Variants in ANKRD36C observed in about 807,000 individuals in gnomAD.
ANKRD36C encodes the protein ankyrin repeat domain-containing protein 36C.
In ANKRD36C, 61 loss-of-function variants were observed where a neutral mutation model predicts 276.4. That is an observed-to-expected ratio of 0.22 (90% CI 0.18 to 0.27). The LOEUF (loss-of-function observed/expected upper bound fraction) is 0.27. Ranked by LOEUF, ANKRD36C falls within the 10% of genes least tolerant of loss-of-function variation. The probability of loss-of-function intolerance (pLI) is 1.00; values close to 1 mark genes in which losing one functional copy is unlikely to be tolerated. For missense variants in ANKRD36C, 1,447 were observed against 2,032.3 expected, an observed-to-expected ratio of 0.71 and a Z score of 5.54; for synonymous variants, 483 against 680.1, an observed-to-expected ratio of 0.71 and a Z score of 4.51.
rs1160108122 is a variant in ANKRD36C at position 95,963,972 on chromosome 2, AATAT to A, written c.800-1429_800-1426del. Among the ~76,000 whole-genome samples the A allele has an allele frequency of 9.1e-3, 445 of 48,884 alleles. 1 individual carries two copies. Among genetic ancestry groups the A allele is most frequent in the South Asian group, 0.022 (28 of 1,262 alleles). 32.1% of individuals were successfully genotyped at this position (48,884 alleles called of 152,430 possible). Reference sequence around the variant, plus strand: ...ATATATATATAAATATATATATATAAATATATATATATATATATATATATATATA... The same window carrying A: ...ATATATATATAAATATATATATATAAATATATATATATATATATATATATA... On this transcript the variant is annotated intron_variant, in intron 6 of 66. Transcript: ENST00000456556.
intron 59 of ANKRD36C, among the ~76,000 whole-genome samples, chr2:95,875,442 A>G (rs1675926422): frequency 6.7e-6 from 1 of 148,462 alleles, no homozygotes; most frequent in East Asian, 2.0e-4. Flanking sequence ...AAAAAACCAA[A>G]CACTGCATGT....
At chr2:95,929,343 C>A in intron 24 of ANKRD36C, 76 bp from the exon 25 acceptor site, 2 of 1,531,668 alleles carry the variant, frequency 1.3e-6, no homozygotes, top group South Asian at 2.4e-5. Context: ...GCATGGATAG[C>A]ATGTTAGCAT....
chr2:95,991,618 A>T, exon 1 of ANKRD36C: 6 of 1,614,032 alleles, frequency 3.7e-6, no homozygotes, highest in Non-Finnish European at 5.1e-6. Context: ...TTCAGATGAT[A>T]CGGTTTAATG....
chr2:95,923,514 A>T (rs1041140930), exon 32 of ANKRD36C: 3 of 1,610,894 alleles, frequency 1.9e-6, no homozygotes, highest in Non-Finnish European at 2.5e-6. Flanking sequence ...ATTGTAGTCC[A>T]TCCTTTATTT....
At position 95,893,224 on chromosome 2, in the gene ANKRD36C, A is replaced by G. The variant is rs1228028394; in HGVS notation, c.2756-1364T>C. ...CGATACTTCCTCTCTTTCTCCTTCC[A>G]CCCTTACTGAAAACAAGCTGGAGAA... On this transcript the variant is annotated intron_variant, in intron 44 of 66. Transcript: ENST00000456556. Among the ~76,000 whole-genome samples, 3 of 151,054 alleles carry G rather than the reference A, an allele frequency of 2.0e-5. No individual in the cohort carries two copies. The East Asian group carries it at 5.9e-4, about 30-fold the overall frequency.
chr2:95,944,603 G>A, intron 19 of ANKRD36C, 24 bp downstream of exon 19: 1 of 1,535,558 alleles, frequency 6.5e-7, no homozygotes, highest in Non-Finnish European at 8.7e-7. Flanking sequence ...TTCTATGTTG[G>A]CTTTTAACCA....
chr2:95,943,782 TAA>T (rs1677961698), intron 19 of ANKRD36C, among the ~76,000 whole-genome samples: 1 of 151,958 alleles, frequency 6.6e-6, no homozygotes, highest in Admixed American at 6.6e-5. Flanking sequence ...AGATAAAATA[TAA>T]GACATCACTT....
At chr2:95,853,385 GA>G (rs1194138822) in intron 64 of ANKRD36C, 4 of 200,622 alleles carry the variant, frequency 2.0e-5, no homozygotes, top group Non-Finnish European at 4.0e-5. Flanking sequence ...CGTTTAACAG[GA>G]AAAAAACTCT....
At chr2:95,949,260 A>G (rs1678134398) in intron 16 of ANKRD36C, among the ~76,000 whole-genome samples, 1 of 152,200 alleles carries the variant, frequency 6.6e-6, no homozygotes, top group Non-Finnish European at 1.5e-5. Flanking sequence ...TAAAAATTAT[A>G]AAATCCAATT....
intron 6 of ANKRD36C, among the ~76,000 whole-genome samples, chr2:95,963,353 C>T (rs1380378109): frequency 1.3e-5 from 2 of 151,932 alleles, no homozygotes; most frequent in African/African-American, 4.8e-5. Context: ...TTGAAAATAA[C>T]CATTTTATTA....
At chr2:95,875,810 G>A (rs1441723344) in intron 59 of ANKRD36C, among the ~76,000 whole-genome samples, 2 of 151,766 alleles carry the variant, frequency 1.3e-5, no homozygotes, top group East Asian at 3.9e-4. Context: ...AATGACAGTG[G>A]ATTTAATAAA....
intron 8 of ANKRD36C, among the ~76,000 whole-genome samples, chr2:95,961,394 T>C (rs1164258347): frequency 4.6e-5 from 7 of 152,050 alleles, no homozygotes; most frequent in Non-Finnish European, 5.9e-5. Flanking sequence ...AGCATACTTA[T>C]ACAAAATAAA....
At chr2:95,867,274 G>A (rs1675701932) in intron 60 of ANKRD36C, among the ~76,000 whole-genome samples, 166 bp downstream of exon 80, 1 of 152,180 alleles carries the variant, frequency 6.6e-6, no homozygotes. Flanking sequence ...GCCCTTGGCT[G>A]AGAAGGTACA....
intron 8 of ANKRD36C, among the ~76,000 whole-genome samples, chr2:95,961,621 CA>C (rs769249922): frequency 6.6e-6 from 1 of 152,014 alleles, no homozygotes; most frequent in African/African-American, 2.4e-5. Flanking sequence ...CCAATATATG[CA>C]TATTCATGAT....
intron 15 of ANKRD36C, 91 bp downstream of exon 15, chr2:95,951,257 A>T: frequency 9.0e-7 from 1 of 1,116,820 alleles, no homozygotes; most frequent in South Asian, 1.4e-5. Flanking sequence ...TGTGCTGCAG[A>T]CTAGTAAGAC....
exon 39 of ANKRD36C, chr2:95,914,284 T>A: frequency 6.5e-7 from 1 of 1,550,290 alleles, no homozygotes. Flanking sequence ...CCTTCAAGCC[T>A]GCTGGTTTCT....
chr2:95,980,594 A>C lies in ANKRD36C; in HGVS notation c.731+54T>G, dbSNP rs529434390. On this transcript the variant is annotated intron_variant, in intron 5 of 66. Transcript: ENST00000456556. ...CTGATATATAAGATGCAATTGCTAC[A>C]ATTATTTTAAACTTCAATTTAGTGT... is the stretch of plus-strand genomic sequence containing the variant. 172 of 1,571,974 alleles carry C rather than the reference A, an allele frequency of 1.1e-4. No individual in the cohort carries two copies. In the African/African-American group the frequency reaches 1.6e-3, roughly 15 times the overall value.
At chr2:95,937,619 T>C (rs1175752320) in intron 22 of ANKRD36C, among the ~76,000 whole-genome samples, 15 of 151,268 alleles carry the variant, frequency 9.9e-5, no homozygotes, top group African/African-American at 3.7e-4. Context: ...TGATCATTCC[T>C]GGAGTTCAAC....
exon 46 of ANKRD36C, chr2:95,891,679 T>C (rs1355362381): frequency 6.4e-6 from 10 of 1,564,832 alleles, no homozygotes; most frequent in Non-Finnish European, 8.7e-6. Context: ...CCTAGTTTTT[T>C]CTCCATGCTT....
Sources: gnomAD v4.1 joint callset for allele counts (sites outside exome capture counted in the v4.1 genomes callset) on GRCh38, gnomAD v4.1.1 for gene constraint, MANE v1.5 for transcripts, NCBI Gene and HGNC (gene_info 2026-07-23, HGNC 2026-07-21) for gene names.